DPP10: variants seen among roughly 807,000 people sequenced by gnomAD.
The protein encoded by DPP10 is dipeptidyl peptidase like 10, also known as inactive dipeptidyl peptidase 10.
A neutral mutation model predicts 120.9 loss-of-function variants in DPP10; 33 were observed. The ratio of observed to expected loss-of-function variants is 0.27; its 90% CI spans 0.21 to 0.37. The LOEUF (loss-of-function observed/expected upper bound fraction) is 0.37, where lower values mean the gene tolerates loss of function less well. DPP10 is among the 10% of genes least tolerant of loss of function. DPP10 has a pLI of 1.00. For missense variants in DPP10, 816 were observed against 942.8 expected, an observed-to-expected ratio of 0.87 and a Z score of 1.76; for synonymous variants, 337 against 326.1, an observed-to-expected ratio of 1.03 and a Z score of -0.36.
At chr2:114,774,318 G>A (rs1681537425) in intron 1 of DPP10, among the ~76,000 whole-genome samples, 1 of 151,856 alleles carries the variant, frequency 6.6e-6, no homozygotes, top group Non-Finnish European at 1.5e-5. Context: ...ACCAACCTAT[G>A]CACAGCAGTA....
chr2:114,448,268 A>G (rs1678051281), intron 1 of DPP10, among the ~76,000 whole-genome samples: 1 of 152,202 alleles, frequency 6.6e-6, no homozygotes, highest in Non-Finnish European at 1.5e-5. Flanking sequence ...ATATAATTTC[A>G]AGGTAAATTT....
chr2:114,659,345 T>G (rs1697216621), intron 1 of DPP10, among the ~76,000 whole-genome samples: 1 of 151,808 alleles, frequency 6.6e-6, no homozygotes, highest in East Asian at 1.9e-4. Flanking sequence ...TTTTTAAAGA[T>G]TCAAAAATGA....
At chr2:115,001,125 T>C (rs991745818) in intron 1 of DPP10, among the ~76,000 whole-genome samples, 1 of 152,206 alleles carries the variant, frequency 6.6e-6, no homozygotes, top group Admixed American at 6.5e-5. Context: ...CTTTGTATTG[T>C]CATTTCAATA....
intron 5 of DPP10, among the ~76,000 whole-genome samples, chr2:115,526,706 A>T (rs1415240853): frequency 2.0e-5 from 3 of 152,172 alleles, no homozygotes; most frequent in Admixed American, 2.0e-4. Flanking sequence ...TTTAAGACGA[A>T]CAATAAAAAT....
chr2:115,332,508 T>C (rs2062815565), intron 2 of DPP10, among the ~76,000 whole-genome samples: 1 of 152,188 alleles, frequency 6.6e-6, no homozygotes, highest in Non-Finnish European at 1.5e-5. Context: ...TTCTTTTAAT[T>C]GTGTTGTTAG....
intron 2 of DPP10, among the ~76,000 whole-genome samples, chr2:115,322,896 T>C (rs1181983158): frequency 1.3e-5 from 2 of 152,258 alleles, no homozygotes; most frequent in Admixed American, 1.3e-4. Flanking sequence ...TTCTATTTGA[T>C]GATCTGAGCC....
chr2:115,200,387 A>G (rs1350250840), intron 1 of DPP10, among the ~76,000 whole-genome samples: 2 of 152,046 alleles, frequency 1.3e-5, no homozygotes, highest in East Asian at 3.9e-4. Flanking sequence ...ACATTCAGCT[A>G]ATTTTTTTTT....
chr2:115,742,568 GACAATAGGACTCT>G (rs779883264), intron 9 of DPP10, among the ~76,000 whole-genome samples: 88 of 152,202 alleles, frequency 5.8e-4, no homozygotes, highest in Non-Finnish European at 8.4e-4. Context: ...AGGTACTTAA[GACAATAGGACTCT>G]AAGAAAATAA....
chr2:114,702,565 C>T (rs1198355120), intron 1 of DPP10, among the ~76,000 whole-genome samples: 2 of 152,088 alleles, frequency 1.3e-5, no homozygotes, highest in African/African-American at 4.8e-5. Context: ...TGCCCTGTTA[C>T]CTCGTATACT....
chr2:115,338,960 A>G (rs532198754), intron 2 of DPP10, among the ~76,000 whole-genome samples: 1 of 152,188 alleles, frequency 6.6e-6, no homozygotes, highest in Non-Finnish European at 1.5e-5. Context: ...CCTGGATCTC[A>G]TAAATATTGA....
chr2:115,028,584 G>A (rs1249513878), intron 1 of DPP10, among the ~76,000 whole-genome samples: 2 of 151,974 alleles, frequency 1.3e-5, no homozygotes, highest in African/African-American at 4.8e-5. Context: ...GAAATGTTAT[G>A]GGTCTAGTGT....
At chr2:115,787,532 T>C (rs1005815088) in intron 17 of DPP10, among the ~76,000 whole-genome samples, 3 of 152,154 alleles carry the variant, frequency 2.0e-5, no homozygotes, top group Non-Finnish European at 4.4e-5. Context: ...ACAATATCAG[T>C]GGAAAATTTC....
intron 1 of DPP10, among the ~76,000 whole-genome samples, chr2:114,568,867 C>T (rs1689413900): frequency 6.6e-6 from 1 of 152,146 alleles, no homozygotes; most frequent in Non-Finnish European, 1.5e-5. Flanking sequence ...ATTTTGGTCC[C>T]TTCACTTCAG....
In DPP10 at chr2:114,642,882, A is replaced by G. The variant is rs565900679; in HGVS notation, c.60+200044A>G. Among the ~76,000 whole-genome samples, 42 of 152,086 alleles carry G rather than the reference A, an allele frequency of 2.8e-4. 1 individual carries two copies. The East Asian group carries it at 7.5e-3, about 27-fold the overall frequency. On this transcript the variant is annotated intron_variant, in intron 1 of 25. Coordinates refer to ENST00000410059, the MANE Select transcript of DPP10 (RefSeq NM_020868.6). ...AGAGGACCTGTTCCAATAACCCATG[A>G]AAATAATCACAACATCCTAATCATG...
Position 114,824,828 on chromosome 2 carries a change from A to G in DPP10, c.60+381990A>G, listed in dbSNP as rs72961607. On this transcript the variant is annotated intron_variant, in intron 1 of 25. Coordinates refer to ENST00000410059, the MANE Select transcript of DPP10 (RefSeq NM_020868.6). ...TAAAAAGCTTATGTAATAAAGTTTC[A>G]GAAGACTAGGAAAAATAGCCTTATA... Among the ~76,000 whole-genome samples the G allele has an allele frequency of 8.4e-3, 1,282 of 152,320 alleles. 22 individuals carry two copies. Among genetic ancestry groups the G allele is most frequent in the African/African-American group, 0.029 (1,211 of 41,558 alleles).
chr2:114,490,134 C>T (rs757538207), intron 1 of DPP10, among the ~76,000 whole-genome samples: 2 of 152,130 alleles, frequency 1.3e-5, no homozygotes, highest in African/African-American at 2.4e-5. Context: ...ATGTTTTCCT[C>T]GAAGGGTTAA....
intron 1 of DPP10, among the ~76,000 whole-genome samples, chr2:114,544,393 G>A (rs1005692098): frequency 6.6e-6 from 1 of 152,196 alleles, no homozygotes; most frequent in Non-Finnish European, 1.5e-5. Flanking sequence ...GACTAATAAA[G>A]TATGTTTCTT....
intron 1 of DPP10, among the ~76,000 whole-genome samples, chr2:115,291,935 C>T (rs1279277027): frequency 6.6e-6 from 1 of 152,126 alleles, no homozygotes; most frequent in Non-Finnish European, 1.5e-5. Flanking sequence ...GATTGCCTTT[C>T]CCATAAGTTT....
intron 3 of DPP10, among the ~76,000 whole-genome samples, chr2:115,354,946 A>C (rs906791851): frequency 2.0e-5 from 3 of 152,144 alleles, no homozygotes; most frequent in Non-Finnish European, 4.4e-5. Flanking sequence ...CATCCAGTCT[A>C]TCACTGTTGG....
Sources: gnomAD v4.1 joint callset for allele counts (sites outside exome capture counted in the v4.1 genomes callset) on GRCh38, gnomAD v4.1.1 for gene constraint, MANE v1.5 for transcripts, NCBI Gene and HGNC (gene_info 2026-07-23, HGNC 2026-07-21) for gene names.